Variants in MTMR9 observed in about 807,000 individuals in gnomAD.
MTMR9 encodes the protein myotubularin-related protein 9.
MTMR9 carries 39 observed loss-of-function variants against 69.5 expected under a neutral mutation model. That is an observed-to-expected ratio of 0.56 (90% CI 0.43 to 0.73). The LOEUF (loss-of-function observed/expected upper bound fraction) is 0.73, where lower values mean the gene tolerates loss of function less well. MTMR9 is among the 30% of genes least tolerant of loss of function. The pLI is 0.00. For missense variants in MTMR9, 900 were observed against 671.2 expected, an observed-to-expected ratio of 1.34 and a Z score of -3.77; for synonymous variants, 354 against 240.8, an observed-to-expected ratio of 1.47 and a Z score of -4.35.
chr8:11,335,943 G>A, the MTMR9 span, among the ~76,000 whole-genome samples: 1 of 152,160 alleles, frequency 6.6e-6, no homozygotes, highest in Admixed American at 6.5e-5. Context: ...ACGTGAAGTT[G>A]GGGGGAGGAC....
chr8:11,298,642 C>T (rs997427291), intron 2 of MTMR9: 10 of 567,720 alleles, frequency 1.8e-5, no homozygotes, highest in South Asian at 7.9e-5. Context: ...TGGGCCTTCT[C>T]CTCCTGTCCA....
At chr8:11,315,328 C>A (rs145559633) in intron 7 of MTMR9, among the ~76,000 whole-genome samples, 28 of 152,252 alleles carry the variant, frequency 1.8e-4, no homozygotes, top group Non-Finnish European at 3.8e-4. Flanking sequence ...GAATGGGAAG[C>A]ATAGTGCAAT....
At chr8:11,303,108 G>A (rs1429238777) in intron 3 of MTMR9, among the ~76,000 whole-genome samples, 2 of 150,272 alleles carry the variant, frequency 1.3e-5, no homozygotes, top group Admixed American at 1.3e-4. Flanking sequence ...TTTGATAAAA[G>A]TTGCATGGAA....
chr8:11,332,006 G>C (rs1460387634), downstream of MTMR9: 18 of 1,611,922 alleles, frequency 1.1e-5, no homozygotes, highest in Non-Finnish European at 1.4e-5. Context: ...AGTATTATAT[G>C]CTCCATGAGA....
chr8:11,311,501 G>C (rs1170775530), intron 6 of MTMR9, among the ~76,000 whole-genome samples: 3 of 152,196 alleles, frequency 2.0e-5, no homozygotes, highest in African/African-American at 7.2e-5. Flanking sequence ...TGCATATAAA[G>C]TTATGTTTAC....
At chr8:11,297,185 A>G (rs1799591173) in intron 2 of MTMR9, among the ~76,000 whole-genome samples, 1 of 152,272 alleles carries the variant, frequency 6.6e-6, no homozygotes. Flanking sequence ...AAAAATGGGT[A>G]GAAAGTCTTA....
intron 2 of MTMR9, chr8:11,298,069 C>A: frequency 5.3e-6 from 2 of 380,912 alleles, no homozygotes; most frequent in Admixed American, 2.8e-5. Context: ...GAATAGCTGG[C>A]AAGTGCTCAG....
At chr8:11,304,755 T>C in intron 3 of MTMR9, 86 bp from the exon 4 acceptor site, 9 of 1,341,904 alleles carry the variant, frequency 6.7e-6, no homozygotes, top group Non-Finnish European at 8.3e-6. Flanking sequence ...CAGTGAAAGT[T>C]GACCTCTAAG....
At chr8:11,330,082 G>T (rs1407232989), downstream of MTMR9, among the ~76,000 whole-genome samples, 1 of 151,388 alleles carries the variant, frequency 6.6e-6, no homozygotes, top group Non-Finnish European at 1.5e-5. Flanking sequence ...CCGCCTGGCA[G>T]CCGCCCCATC....
chr8:11,334,414 A>G, the MTMR9 span, among the ~76,000 whole-genome samples: 1 of 152,202 alleles, frequency 6.6e-6, no homozygotes, highest in Non-Finnish European at 1.5e-5. Context: ...GTTTTTCTAT[A>G]CTATTAAAGT....
At chr8:11,331,561 A>C, downstream of MTMR9, 3 of 1,612,132 alleles carry the variant, frequency 1.9e-6, no homozygotes, top group Non-Finnish European at 2.5e-6. Context: ...CTTGAGAGCC[A>C]GGGTCTCGGT....
downstream of MTMR9, chr8:11,331,270 G>A: frequency 6.2e-7 from 1 of 1,613,928 alleles, no homozygotes; most frequent in Non-Finnish European, 8.5e-7. Context: ...GGCTTCGTGG[G>A]CCCCCTTTCT....
At chr8:11,299,967 A>G (rs1270326765) in intron 2 of MTMR9, 56 bp from the exon 3 acceptor site, 1 of 1,578,818 alleles carries the variant, frequency 6.3e-7, no homozygotes, top group Non-Finnish European at 8.6e-7. Flanking sequence ...GTCAGTTAGA[A>G]TATGTTTCCA....
In MTMR9 at chr8:11,300,038, G is replaced by T. The variant is rs772183374; in HGVS notation, c.307G>T (p.Asp103Tyr). The change falls in exon 3 of 10, where the codon GAC becomes TAC. Residue 103 changes from aspartate (D) to tyrosine (Y), a missense_variant. Transcript: ENST00000221086. ...ASSIEALSTL[D>Y]SITLMYPFFY... is the part of the protein sequence containing the mutation. ...TTGCCCCCAGGCATTGTCTACTCTG[G>T]ACTCCATCACTCTGATGTACCCTTT... 2.5e-6 allele frequency: 4 copies of T among 1,612,954 alleles called. No individual in the cohort carries two copies. The highest frequency in any genetic ancestry group is 1.1e-5 in the South Asian group (1 of 90,990).
chr8:11,329,413 G>T (rs1460791482), downstream of MTMR9, among the ~76,000 whole-genome samples: 3 of 152,174 alleles, frequency 2.0e-5, no homozygotes, highest in Non-Finnish European at 4.4e-5. Flanking sequence ...CAACCTCCCT[G>T]CCTGATTCTC....
chr8:11,316,194 C>T (rs1800406664), intron 7 of MTMR9: 1 of 152,236 alleles, frequency 6.6e-6, no homozygotes, highest in Non-Finnish European at 1.5e-5. Context: ...GATTTACTAT[C>T]AGAGCTGACA....
chr8:11,321,390 G>A (rs539229925), intron 9 of MTMR9: 1 of 456,282 alleles, frequency 2.2e-6, no homozygotes, highest in East Asian at 6.9e-5. Context: ...TGTACTTAAA[G>A]CCACTGTCAC....
intron 2 of MTMR9, among the ~76,000 whole-genome samples, chr8:11,299,398 C>A (rs549352910): frequency 6.6e-6 from 1 of 152,196 alleles, no homozygotes; most frequent in African/African-American, 2.4e-5. Context: ...CACACATTAT[C>A]TCTCTTAATG....
chr8:11,306,952 A>G, intron 5 of MTMR9, among the ~76,000 whole-genome samples: 1 of 152,202 alleles, frequency 6.6e-6, no homozygotes, highest in East Asian at 1.9e-4. Flanking sequence ...GATTCCACAT[A>G]TAAGTGAGTT....
Sources: allele counts gnomAD v4.1 joint callset (sites outside exome capture counted in the v4.1 genomes callset), GRCh38; gene constraint gnomAD v4.1.1; transcripts MANE v1.5; gene names NCBI Gene and HGNC (gene_info 2026-07-23, HGNC 2026-07-21).